FBXL20: variants seen among roughly 807,000 people sequenced by gnomAD.
FBXL20 encodes the protein F-box and leucine rich repeat protein 20.
In FBXL20, 11 loss-of-function variants were observed where a neutral mutation model predicts 64.0. The observed-to-expected ratio is 0.17, with a 90% CI of 0.11 to 0.28. FBXL20 has a LOEUF of 0.28. Among genes scored for constraint, FBXL20 ranks in the 10% least tolerant of loss-of-function variants. The probability of loss-of-function intolerance (pLI) is 1.00; values close to 1 mark genes in which losing one functional copy is unlikely to be tolerated. For missense variants in FBXL20, 303 were observed against 526.2 expected (o/e 0.58, Z 4.15); for synonymous variants, 184 against 189.0 (o/e 0.97, Z 0.22).
At chr17:39,386,469 C>T (rs1597835339) in intron 1 of FBXL20, among the ~76,000 whole-genome samples, 1 of 151,796 alleles carries the variant, frequency 6.6e-6, no homozygotes, top group African/African-American at 2.4e-5. Flanking sequence ...ACAAAAAATA[C>T]AAAAATTAGC....
intron 12 of FBXL20, 125 bp downstream of exon 12, chr17:39,268,702 G>A (rs2046813499): frequency 2.8e-6 from 2 of 715,076 alleles, no homozygotes; most frequent in South Asian, 4.1e-5. Flanking sequence ...TACTTAATGG[G>A]GAATCTGCAA....
At chr17:39,287,567 T>G (rs1472001785) in intron 6 of FBXL20, among the ~76,000 whole-genome samples, 1 of 152,058 alleles carries the variant, frequency 6.6e-6, no homozygotes, top group African/African-American at 2.4e-5. Flanking sequence ...CCATCACACC[T>G]AATTAAAAAA....
chr17:39,339,165 C>CAA (rs59901064), intron 2 of FBXL20, among the ~76,000 whole-genome samples: 24,103 of 67,598 alleles, frequency 0.36, 4,042 homozygotes, highest in African/African-American at 0.5. Context: ...GACCCTGTCT[C>CAA]AAAAAAAAAA....
intron 6 of FBXL20, among the ~76,000 whole-genome samples, chr17:39,293,830 A>T (rs190662258): frequency 1.6e-4 from 24 of 146,696 alleles, no homozygotes; most frequent in Middle Eastern, 3.5e-3. Context: ...TGTAGCCTTT[A>T]TTTTTTTTTT....
chr17:39,384,520 T>C (rs982895270), intron 1 of FBXL20, among the ~76,000 whole-genome samples: 69 of 151,190 alleles, frequency 4.6e-4, no homozygotes, highest in African/African-American at 1.6e-3. Flanking sequence ...CAAGAGTCCA[T>C]CTCAAAATAA....
intron 2 of FBXL20, among the ~76,000 whole-genome samples, chr17:39,320,324 C>A (rs895339180): frequency 6.6e-6 from 1 of 151,704 alleles, no homozygotes; most frequent in Non-Finnish European, 1.5e-5. Context: ...TTTTAAAAAC[C>A]CTTTAATTTT....
In FBXL20 at chr17:39,372,044, T is replaced by C. The variant is rs536541160; in HGVS notation, c.43-28803A>G. 4.6e-5 allele frequency among the ~76,000 whole-genome samples: 7 copies of C among 152,334 alleles called. No individual in the cohort carries two copies. In the South Asian group the frequency reaches 6.2e-4, roughly 14 times the overall value. On this transcript the variant is annotated intron_variant, in intron 1 of 14. Coordinates refer to ENST00000264658, the MANE Select transcript of FBXL20 (RefSeq NM_032875.3). ...CAAATCATGACCTGCCTCTTGCCAG[T>C]AGTCTCCTGAAGCACTTGGGTTTGA...
chr17:39,323,530 G>A (rs1054444546), intron 2 of FBXL20, among the ~76,000 whole-genome samples: 9 of 145,920 alleles, frequency 6.2e-5, no homozygotes, highest in African/African-American at 1.9e-4. Context: ...AGTTAAGAAG[G>A]GGGTTTTCTC....
intron 1 of FBXL20, among the ~76,000 whole-genome samples, chr17:39,346,764 A>G (rs1023471601): frequency 2.0e-5 from 3 of 151,940 alleles, no homozygotes; most frequent in Non-Finnish European, 4.4e-5. Flanking sequence ...ACATATGTAT[A>G]CATGTGCCAT....
intron 14 of FBXL20, among the ~76,000 whole-genome samples, chr17:39,262,384 G>A (rs1410098080): frequency 1.3e-5 from 2 of 152,024 alleles, no homozygotes; most frequent in Non-Finnish European, 2.9e-5. Context: ...TGGTTCAAGC[G>A]ATTTTCCTGC....
At chr17:39,335,356 A>G (rs923709176) in intron 2 of FBXL20, among the ~76,000 whole-genome samples, 5 of 152,014 alleles carry the variant, frequency 3.3e-5, no homozygotes, top group African/African-American at 1.2e-4. Flanking sequence ...AAACAATTAA[A>G]TAATTCCTCC....
chr17:39,310,178 C>G (rs141011999), intron 2 of FBXL20, among the ~76,000 whole-genome samples: 1 of 148,728 alleles, frequency 6.7e-6, no homozygotes, highest in East Asian at 2.0e-4. Flanking sequence ...AGAAAAGAAA[C>G]GAAACAACTT....
chr17:39,372,336 A>G lies in FBXL20; in HGVS notation c.42+29025T>C, dbSNP rs554277563. Among the ~76,000 whole-genome samples the G allele has an allele frequency of 2.6e-5, 4 of 151,568 alleles. No homozygotes were observed. In the South Asian group the frequency reaches 8.3e-4, roughly 32 times the overall value. ...GAGATGGAGACCATCCTGGCCAACA[A>G]GGTGAAACCCCGTCTCTACTTAAAA... On this transcript the variant is annotated intron_variant, in intron 1 of 14. Transcript: ENST00000264658.
chr17:39,378,452 T>TA (rs947379698), intron 1 of FBXL20, among the ~76,000 whole-genome samples: 20 of 151,682 alleles, frequency 1.3e-4, no homozygotes, highest in African/African-American at 4.8e-4. Flanking sequence ...AAAATATAAA[T>TA]AAAAAACTAA....
At chr17:39,283,036 C>T (rs2046961123) in intron 7 of FBXL20, among the ~76,000 whole-genome samples, 181 bp from the exon 8 acceptor site, 1 of 152,112 alleles carries the variant, frequency 6.6e-6, no homozygotes, top group South Asian at 2.1e-4. Flanking sequence ...TGGGACTATA[C>T]CATTAGCAGG....
intron 2 of FBXL20, among the ~76,000 whole-genome samples, chr17:39,334,893 T>C (rs981996549): frequency 6.6e-6 from 1 of 152,148 alleles, no homozygotes; most frequent in Non-Finnish European, 1.5e-5. Flanking sequence ...ATTGAGACCA[T>C]CCTGGCTAAC....
In FBXL20 at chr17:39,270,875, A is replaced by C. The variant is rs77671567; in HGVS notation, c.828-19T>G. On this transcript the variant is annotated intron_variant, in intron 10 of 14. Transcript: ENST00000264658. ...CAATATTCTGTTAAAAAAAAAAAAA[A>C]AACAGTGAAAGTCAAGCTCTTGGTC... The C allele has an allele frequency of 1.9e-6, 3 of 1,574,022 alleles. No homozygotes were observed. Among genetic ancestry groups the C allele is most frequent in the African/African-American group, 1.4e-5 (1 of 73,104 alleles).
upstream of FBXL20, chr17:39,402,251 G>C (rs866333078): frequency 2.3e-5 from 27 of 1,175,150 alleles, no homozygotes; most frequent in Non-Finnish European, 1.2e-5. Context: ...GTCTAGATTG[G>C]GGCAGTGCGG....
At chr17:39,372,613 A>G (rs2144638395) in intron 1 of FBXL20, among the ~76,000 whole-genome samples, 1 of 145,118 alleles carries the variant, frequency 6.9e-6, no homozygotes, top group East Asian at 2.1e-4. Flanking sequence ...TGTCTGTTTG[A>G]TAATTTTTTT....
Sources: allele counts gnomAD v4.1 joint callset (sites outside exome capture counted in the v4.1 genomes callset), GRCh38; gene constraint gnomAD v4.1.1; transcripts MANE v1.5; gene names NCBI Gene and HGNC (gene_info 2026-07-23, HGNC 2026-07-21).